The following ABCC12 variants were observed in gnomAD, a reference collection of about 807,000 sequenced individuals.
ABCC12 encodes the protein ATP-binding cassette sub-family C member 12.
In ABCC12, 142 loss-of-function variants were observed where a neutral mutation model predicts 151.1. The ratio of observed to expected loss-of-function variants is 0.94; its 90% confidence interval spans 0.82 to 1.08. The LOEUF is 1.08. Among genes scored for constraint, ABCC12 ranks in the 50% least tolerant of loss-of-function variants. The probability of loss-of-function intolerance (pLI) is 0.00; values close to 1 mark genes in which losing one functional copy is unlikely to be tolerated. For synonymous variants in ABCC12, 645 were observed against 646.4 expected, an observed-to-expected ratio of 1.00 and a Z score of 0.03; for missense variants, 1,638 against 1,691.1, an observed-to-expected ratio of 0.97 and a Z score of 0.55.
At chr16:48,153,448 A>G (rs191806533) in intron 2 of ABCC12, among the ~76,000 whole-genome samples, 168 bp downstream of exon 2, 65 of 152,316 alleles carry the variant, frequency 4.3e-4, no homozygotes, top group African/African-American at 1.5e-3. Flanking sequence ...CTCAGGAGCC[A>G]TGCATCCTCC....
intron 10 of ABCC12, among the ~76,000 whole-genome samples, chr16:48,129,506 C>G (rs1444281216): frequency 6.6e-6 from 1 of 152,114 alleles, no homozygotes; most frequent in African/African-American, 2.4e-5. Context: ...ACAAGCAATT[C>G]AGGATTACTG....
intron 22 of ABCC12, among the ~76,000 whole-genome samples, chr16:48,103,514 CTG>C (rs1275747852): frequency 1.3e-5 from 2 of 152,206 alleles, no homozygotes; most frequent in African/African-American, 2.4e-5. Context: ...AGAGAGGAAA[CTG>C]AGGTTTGCAG....
In ABCC12 at chr16:48,081,057, G is replaced by A. The variant is rs1031984812; in HGVS notation, c.*2658C>T. ...GCTTCCCCAAGTCTCTTTTATAAGA[G>A]AGCCAATCCTATTCATGAGGTCTCC... On this transcript the variant is annotated 3_prime_UTR_variant, in exon 31 of 31. Coordinates refer to ENST00000311303, the MANE Select transcript of ABCC12 (RefSeq NM_001393797.1). Among the ~76,000 whole-genome samples the A allele has an allele frequency of 6.6e-6, 1 of 152,104 alleles. No individual in the cohort carries two copies. Among genetic ancestry groups the A allele is most frequent in the Non-Finnish European group, 1.5e-5 (1 of 68,026 alleles).
intron 18 of ABCC12, among the ~76,000 whole-genome samples, chr16:48,109,655 T>C (rs1264463080): frequency 6.6e-6 from 1 of 152,244 alleles, no homozygotes; most frequent in Non-Finnish European, 1.5e-5. Flanking sequence ...GGAGCTCCTT[T>C]GAAAATGTTC....
Position 48,130,659 on chromosome 16 carries a change from C to T in ABCC12, c.1236+129G>A, listed in dbSNP as rs1277195879. On this transcript the variant is annotated intron_variant, in intron 10 of 30. Transcript: ENST00000311303. ...TTATTCATCTAACTCTGAATGGATG[C>T]CCTCCTCCCAATGTCAACTCAACAA... is the stretch of plus-strand genomic sequence containing the variant. The T allele has an allele frequency of 9.2e-6, 6 of 654,796 alleles. No individual in the cohort carries two copies. In the East Asian group the frequency reaches 1.1e-4, roughly 12 times the overall value. 40.6% of individuals were successfully genotyped at this position (654,796 alleles called of 1,614,324 possible).
rs1405652258 is a variant in ABCC12 at position 48,140,871 on chromosome 16, T to A, written c.473A>T (p.Lys158Ile). 2 of 1,613,962 alleles carry A rather than the reference T, an allele frequency of 1.2e-6. No homozygotes were observed. The highest frequency in any genetic ancestry group is 1.7e-6 in the Non-Finnish European group (2 of 1,180,016). The stretch of plus-strand genomic sequence containing the variant: ...GCACAGTCCAATGCCAACCCAGACT[T>A]TCCCAGAGGTCCTCTCAGTCTGCTG... Reference protein sequence around the residue: ...ILQQTERTSGKVWVGIGLCIA... With the variant: ...ILQQTERTSGIVWVGIGLCIA... The change falls in exon 6 of 31, where the codon AAA becomes ATA. Residue 158 changes from lysine to isoleucine, a missense_variant. Coordinates refer to ENST00000311303, the MANE Select transcript of ABCC12 (RefSeq NM_001393797.1).
intron 30 of ABCC12, 21 bp downstream of exon 30, chr16:48,083,888 A>C: frequency 6.2e-7 from 1 of 1,612,552 alleles, no homozygotes; most frequent in Non-Finnish European, 8.5e-7. Context: ...GGGGAGGTGA[A>C]GCCAAAAGAG....
At position 48,133,686 on chromosome 16, in the gene ABCC12, C is replaced by A. The variant is rs766734095; in HGVS notation, c.1128+1G>T. 6.2e-7 allele frequency: 1 copy of A among 1,613,694 alleles called. No homozygotes were observed. Among genetic ancestry groups the A allele is most frequent in the South Asian group, 1.1e-5 (1 of 90,984 alleles). On this transcript the variant is annotated splice_donor_variant, in intron 9 of 30. Coordinates refer to ENST00000311303, the MANE Select transcript of ABCC12 (RefSeq NM_001393797.1). LOFTEE classifies it high-confidence loss of function. ...AGCCTCGATCTGGAGCCAGCTCTTA[C>A]CACGGGTGCGGTGAGTTTGCGTCTC...
At chr16:48,152,399 CAT>C (rs1444811026) in intron 2 of ABCC12, among the ~76,000 whole-genome samples, 1 of 152,208 alleles carries the variant, frequency 6.6e-6, no homozygotes, top group African/African-American at 2.4e-5. Context: ...CTTTCTACCA[CAT>C]GTCCACCCGC....
intron 15 of ABCC12, among the ~76,000 whole-genome samples, chr16:48,114,066 TC>T (rs1165789829): frequency 1.2e-4 from 19 of 152,228 alleles, no homozygotes; most frequent in Admixed American, 4.6e-4. Context: ...TTGTCCTCCA[TC>T]CTAACTCAGA....
chr16:48,107,479 G>A, intron 19 of ABCC12, 54 bp from the exon 20 acceptor site: 2 of 1,506,232 alleles, frequency 1.3e-6, no homozygotes, highest in Non-Finnish European at 1.8e-6. Flanking sequence ...ACATGGCAGG[G>A]GCTGACCTTC....
intron 11 of ABCC12, among the ~76,000 whole-genome samples, chr16:48,126,620 C>A (rs936149362): frequency 6.6e-6 from 1 of 152,170 alleles, no homozygotes; most frequent in Non-Finnish European, 1.5e-5. Flanking sequence ...TCCCCCACCA[C>A]CTTGTGAAAT....
rs756829556 is a variant in ABCC12, at chr16:48,140,903, T to A, written c.441A>T (p.Gln147His). The change falls in exon 6 of 31, where the codon CAA (glutamine) becomes CAT (histidine). Residue 147 changes from glutamine to histidine, a missense_variant. Physicochemically the swap from Gln to His is conservative, Grantham distance 24 (BLOSUM62 0). Coordinates refer to ENST00000311303, the MANE Select transcript of ABCC12 (RefSeq NM_001393797.1). ...AGGTCCTCTCAGTCTGCTGGAGGAT[T>A]TGGTGAATGAGAACTGTCTGTAAAA... ...AAIGPTVLIH[Q>H]ILQQTERTSG... 5.0e-6 allele frequency: 8 copies of A among 1,613,668 alleles called. No homozygotes were observed. In the African/African-American group the frequency reaches 9.4e-5, roughly 19 times the overall value.
intron 8 of ABCC12, among the ~76,000 whole-genome samples, chr16:48,137,571 A>G (rs1964652932): frequency 6.6e-6 from 1 of 152,154 alleles, no homozygotes; most frequent in Non-Finnish European, 1.5e-5. Context: ...GGGCAGATAC[A>G]CAGCTTTGGC....
At chr16:48,128,326 T>C (rs1007255333) in intron 11 of ABCC12, 133 bp downstream of exon 11, 1 of 1,350,048 alleles carries the variant, frequency 7.4e-7, no homozygotes, top group African/African-American at 1.5e-5. Flanking sequence ...GGGGGAAAAA[T>C]ACAGGGACTC....
At position 48,115,617 on chromosome 16, in the gene ABCC12, A is replaced by G. The variant is rs767824146; in HGVS notation, c.1787T>C (p.Ile596Thr). 32 of 1,612,898 alleles carry G rather than the reference A, an allele frequency of 2.0e-5. No individual in the cohort carries two copies. The African/African-American group carries it at 2.1e-4, about 11-fold the overall frequency. Residue 596 changes from isoleucine (I) to threonine (T), a missense_variant and splice_region_variant, in exon 15 of 31, where the codon ATT becomes ACT. Coordinates refer to ENST00000311303, the MANE Select transcript of ABCC12 (RefSeq NM_001393797.1). ...SNLPYGDLTEIGERGLNLSGG... is the reference protein window; with the variant it reads ...SNLPYGDLTETGERGLNLSGG... The stretch of plus-strand genomic sequence containing the variant: ...AGAGAGGTTGAGGCCCCGCTCCCCA[A>G]TCTGTGGACAGGGACAATGCTACTG...
chr16:48,118,094 G>A (rs567466754), intron 13 of ABCC12, among the ~76,000 whole-genome samples: 13 of 152,262 alleles, frequency 8.5e-5, no homozygotes, highest in Non-Finnish European at 1.6e-4. Context: ...CAGCCAAGCC[G>A]CCAGGACTAG....
At chr16:48,118,897 C>T (rs1452608227) in intron 13 of ABCC12, among the ~76,000 whole-genome samples, 1 of 152,258 alleles carries the variant, frequency 6.6e-6, no homozygotes, top group Non-Finnish European at 1.5e-5. Flanking sequence ...AACTAATTCT[C>T]ATTGGGTTGT....
chr16:48,096,839 G>A lies in ABCC12; in HGVS notation c.3102C>T (p.Asn1034=), dbSNP rs1274397055. The A allele has an allele frequency of 1.9e-6, 3 of 1,614,026 alleles. No individual in the cohort carries two copies. The African/African-American group carries it at 4.0e-5, about 22-fold the overall frequency. The change falls in exon 24 of 31, where the codon AAC becomes AAT. Residue 1034 remains asparagine (N), a synonymous_variant. Coordinates refer to ENST00000311303, the MANE Select transcript of ABCC12 (RefSeq NM_001393797.1). ...WFALRMDVLM[N]ILTFTVALLV... ...ACAAGGCCACAGTGAAGGTAAGGAT[G>A]TTCATGAGGACATCCATTCTCAGCG...
Sources: gnomAD v4.1 joint callset for allele counts (sites outside exome capture counted in the v4.1 genomes callset) on GRCh38, gnomAD v4.1.1 for gene constraint, MANE v1.5 for transcripts, NCBI Gene and HGNC (gene_info 2026-07-23, HGNC 2026-07-21) for gene names.